TRAPPC10: variants seen among roughly 807,000 people sequenced by gnomAD.
The protein encoded by TRAPPC10 is trafficking protein particle complex subunit 10, also known as TRAPP 130 kDa subunit.
Under a neutral mutation model 125.5 loss-of-function variants are expected in TRAPPC10, and 23 were observed. The observed-to-expected ratio is 0.18, with a 90% CI of 0.13 to 0.26. TRAPPC10 has a LOEUF of 0.26. TRAPPC10 is among the 10% of genes least tolerant of loss of function. TRAPPC10 has a pLI of 1.00. For synonymous variants in TRAPPC10, 509 were observed against 518.0 expected (o/e 0.98, Z 0.24); for missense variants, 1,123 against 1,308.4 (o/e 0.86, Z 2.19).
At chr21:44,056,237 A>G (rs1377726930) in intron 5 of TRAPPC10, among the ~76,000 whole-genome samples, 1 of 152,214 alleles carries the variant, frequency 6.6e-6, no homozygotes, top group Non-Finnish European at 1.5e-5. Flanking sequence ...AAATAAATAA[A>G]TGGAGGAGAA....
At chr21:44,086,657 A>C in intron 15 of TRAPPC10, 145 bp from the exon 16 acceptor site, 1 of 844,710 alleles carries the variant, frequency 1.2e-6, no homozygotes, top group Non-Finnish European at 1.9e-6. Flanking sequence ...GCAGAAGGGA[A>C]TGGAAGTAGA....
chr21:44,055,628 A>T (rs541748674), intron 4 of TRAPPC10, 70 bp from the exon 5 acceptor site: 21 of 1,279,118 alleles, frequency 1.6e-5, no homozygotes, highest in Non-Finnish European at 2.2e-5. Flanking sequence ...GCTCAGGACA[A>T]TGGCAGCTGC....
chr21:44,088,803 T>C (rs556505680), intron 17 of TRAPPC10: 32 of 149,780 alleles, frequency 2.1e-4, no homozygotes, highest in Admixed American at 9.8e-4. Context: ...TCCCTGGCGC[T>C]GGCGGCACCT....
intron 2 of TRAPPC10, among the ~76,000 whole-genome samples, chr21:44,033,939 G>C (rs973637159): frequency 4.6e-5 from 7 of 152,038 alleles, no homozygotes; most frequent in African/African-American, 1.7e-4. Context: ...CCAGTAAATG[G>C]ACTACATAAA....
chr21:44,063,850 G>C lies in TRAPPC10; in HGVS notation c.1038+65G>C. The C allele has an allele frequency of 6.4e-7, 1 of 1,556,480 alleles. No individual in the cohort carries two copies. The highest frequency in any genetic ancestry group is 8.7e-7 in the Non-Finnish European group (1 of 1,154,006). ...GTTCCAGCAGAAATCTCTGAACCTTGAGATCCCAGGCATTGAACTGTTTGT... is the reference window on the plus strand; with the variant it reads ...GTTCCAGCAGAAATCTCTGAACCTTCAGATCCCAGGCATTGAACTGTTTGT... On this transcript the variant is annotated intron_variant, in intron 7 of 22. Transcript: ENST00000291574. This position sits in a 1 kb window ranked among gnomAD's most constrained non-coding sequence, Gnocchi z 4.4.
At chr21:44,089,461 G>T (rs2038418599) in intron 17 of TRAPPC10, 1 of 437,954 alleles carries the variant, frequency 2.3e-6, no homozygotes, top group Non-Finnish European at 4.7e-6. Flanking sequence ...ATACATGACT[G>T]AAAGCACTTT....
intron 9 of TRAPPC10, 114 bp downstream of exon 9, chr21:44,075,267 G>A: frequency 1.4e-6 from 1 of 712,774 alleles, no homozygotes; most frequent in South Asian, 1.8e-5. Context: ...CTCACCATTT[G>A]GAAAATTATA....
chr21:44,095,381 G>C (rs955350096), intron 20 of TRAPPC10, among the ~76,000 whole-genome samples: 8 of 151,908 alleles, frequency 5.3e-5, no homozygotes, highest in African/African-American at 1.7e-4. Flanking sequence ...GCGTAGCTGG[G>C]ATTACAGGCA....
intron 3 of TRAPPC10, among the ~76,000 whole-genome samples, chr21:44,051,826 G>T (rs2035251994): frequency 6.6e-6 from 1 of 152,236 alleles, no homozygotes; most frequent in Non-Finnish European, 1.5e-5. Context: ...TGGGGTTCCT[G>T]TGGGCAGTCT....
At chr21:44,057,065 TGAA>T (rs2035650927) in intron 5 of TRAPPC10, among the ~76,000 whole-genome samples, 1 of 151,254 alleles carries the variant, frequency 6.6e-6, no homozygotes, top group South Asian at 2.1e-4. Context: ...TGATGCCGAG[TGAA>T]ATAAGGCACA....
At chr21:44,061,038 A>G (rs935540880) in intron 6 of TRAPPC10, among the ~76,000 whole-genome samples, 4 of 151,766 alleles carry the variant, frequency 2.6e-5, no homozygotes, top group Non-Finnish European at 5.9e-5. Context: ...CCTGATTTCA[A>G]GCGATTCTCT....
intron 18 of TRAPPC10, among the ~76,000 whole-genome samples, chr21:44,091,416 T>C (rs567091543): frequency 1.3e-5 from 2 of 152,244 alleles, no homozygotes; most frequent in Admixed American, 1.3e-4. Flanking sequence ...AGAACTTGCC[T>C]CTTTAAAAAC....
chr21:44,072,876 C>A (rs1412747904), intron 7 of TRAPPC10, among the ~76,000 whole-genome samples: 1 of 152,168 alleles, frequency 6.6e-6, no homozygotes, highest in African/African-American at 2.4e-5. Context: ...TGAAAAGTAT[C>A]CCAGATCTCC....
At chr21:44,020,575 G>A (rs1407793102) in intron 1 of TRAPPC10, among the ~76,000 whole-genome samples, 1 of 151,984 alleles carries the variant, frequency 6.6e-6, no homozygotes, top group African/African-American at 2.4e-5. Context: ...TTGAGGCTGC[G>A]GTGAGCCATG....
chr21:44,041,316 AATTACGTATTTCGGTT>A (rs1295235416), intron 3 of TRAPPC10, among the ~76,000 whole-genome samples: 1 of 152,090 alleles, frequency 6.6e-6, no homozygotes, highest in Non-Finnish European at 1.5e-5. Flanking sequence ...TTTTCTTGGA[AATTACGTATTTCGGTT>A]AAGTTGTAAA....
At chr21:44,060,911 T>TACACACACACACACACAC (rs1230320455) in intron 6 of TRAPPC10, among the ~76,000 whole-genome samples, 2 of 106,460 alleles carry the variant, frequency 1.9e-5, no homozygotes, top group African/African-American at 1.1e-4. Flanking sequence ...TATACATACA[T>TACACACACACACACACAC]ACATACACAC....
chr21:44,076,984 AT>A (rs1295525550), intron 10 of TRAPPC10, among the ~76,000 whole-genome samples: 1 of 152,228 alleles, frequency 6.6e-6, no homozygotes, highest in Non-Finnish European at 1.5e-5. Context: ...AAAGACTTAA[AT>A]TAGCAAAACT....
At chr21:44,032,226 G>A (rs1489137452) in intron 2 of TRAPPC10, 54 bp downstream of exon 2, 5 of 1,428,730 alleles carry the variant, frequency 3.5e-6, no homozygotes, top group Non-Finnish European at 4.9e-6. Flanking sequence ...TTAAAATGAA[G>A]TACATGTTTT....
intron 1 of TRAPPC10, among the ~76,000 whole-genome samples, chr21:44,018,720 C>T (rs2032159277): frequency 1.3e-5 from 2 of 150,920 alleles, no homozygotes; most frequent in African/African-American, 4.9e-5. Context: ...GTATGTCGGG[C>T]ATAACACATG....
Sources: gnomAD v4.1 joint callset for allele counts (sites outside exome capture counted in the v4.1 genomes callset) on GRCh38, gnomAD v4.1.1 for gene constraint, Gnocchi (gnomAD v3.1) non-coding constraint, MANE v1.5 for transcripts, NCBI Gene and HGNC (gene_info 2026-07-23, HGNC 2026-07-21) for gene names.